Variants in PGLYRP4 observed in about 807,000 individuals in gnomAD.
PGLYRP4 encodes peptidoglycan recognition protein 4.
In PGLYRP4, 39 loss-of-function variants were observed where a neutral mutation model predicts 41.2. That is an observed-to-expected ratio of 0.95 (90% CI 0.73 to 1.24). The LOEUF (loss-of-function observed/expected upper bound fraction) is 1.24, where lower values mean the gene tolerates loss of function less well. Among genes scored for constraint, PGLYRP4 ranks in the 50% most tolerant of loss-of-function variants. The pLI is 0.00. For missense variants in PGLYRP4, 467 were observed against 460.7 expected, an observed-to-expected ratio of 1.01 and a Z score of -0.13; for synonymous variants, 202 against 186.8, an observed-to-expected ratio of 1.08 and a Z score of -0.66.
chr1:153,337,427 G>A (rs766630125), intron 7 of PGLYRP4, 128 bp from the exon 8 acceptor site: 23 of 630,898 alleles, frequency 3.6e-5, no homozygotes, highest in Non-Finnish European at 6.3e-5. Context: ...TAAGCACTGG[G>A]TTACAGAAAC....
At chr1:153,337,374 T>C in intron 7 of PGLYRP4, 75 bp from the exon 8 acceptor site, 1 of 876,126 alleles carries the variant, frequency 1.1e-6, no homozygotes, top group Non-Finnish European at 1.8e-6. Flanking sequence ...TATTAATTTA[T>C]TCATGTCTTT....
At chr1:153,348,195 C>T (rs549514361) in intron 1 of PGLYRP4, among the ~76,000 whole-genome samples, 5 of 152,166 alleles carry the variant, frequency 3.3e-5, no homozygotes, top group Admixed American at 6.5e-5. Flanking sequence ...CACGTGCCCA[C>T]GGCGTGCAAG....
At chr1:153,345,407 TGC>T (rs767461270) in intron 3 of PGLYRP4, 25 bp from the exon 4 acceptor site, 3 of 1,598,950 alleles carry the variant, frequency 1.9e-6, no homozygotes, top group Admixed American at 3.3e-5. Flanking sequence ...TCAGCGCACC[TGC>T]CCCATCACTA....
At position 153,337,289 on chromosome 1, in the gene PGLYRP4, C is replaced by G. The variant is rs776839837; in HGVS notation, c.835G>C (p.Gly279Arg). The G allele has an allele frequency of 8.7e-6, 14 of 1,604,676 alleles. No homozygotes were observed. The Admixed American group carries it at 2.4e-4, about 28-fold the overall frequency. The change falls in exon 8 of 9, where the codon GGC (glycine) becomes CGC (arginine). Residue 279 changes from glycine (G) to arginine (R), a missense_variant. Physicochemically the swap from Gly to Arg is moderately radical, Grantham distance 125. Transcript: ENST00000359650. ...CCTTCATAAATGGCGCCATCCTGGC[C>G]CACCAGGAAGCTAGAGGACCACAAG... ...SCDIGYNFLV[G>R]QDGAIYEGVG... is the part of the protein sequence containing the mutation.
intron 7 of PGLYRP4, among the ~76,000 whole-genome samples, chr1:153,339,239 GGT>G (rs768508269): frequency 1.1e-4 from 17 of 152,216 alleles, no homozygotes; most frequent in Non-Finnish European, 2.5e-4. Flanking sequence ...TCCATTTTCA[GGT>G]ATCCACTCTT....
At chr1:153,336,824 A>G (rs558343692) in intron 8 of PGLYRP4, among the ~76,000 whole-genome samples, 9 of 152,204 alleles carry the variant, frequency 5.9e-5, no homozygotes, top group Non-Finnish European at 1.2e-4. Flanking sequence ...TGGCTTTGGC[A>G]TATAAGGAAA....
At chr1:153,337,369 A>C in intron 7 of PGLYRP4, 70 bp from the exon 8 acceptor site, 1 of 915,864 alleles carries the variant, frequency 1.1e-6, no homozygotes, top group South Asian at 1.6e-5. Flanking sequence ...TCATGTATTA[A>C]TTTATTCATG....
intron 6 of PGLYRP4, among the ~76,000 whole-genome samples, chr1:153,340,872 T>G (rs894990741): frequency 2.6e-5 from 4 of 152,254 alleles, no homozygotes; most frequent in African/African-American, 4.8e-5. Context: ...AGAGATCAAA[T>G]TTACTCAAGG....
At position 153,345,104 on chromosome 1, in the gene PGLYRP4, A is replaced by G. The variant is rs1040575775; in HGVS notation, c.353+65T>C. 28 of 1,218,554 alleles carry G rather than the reference A, an allele frequency of 2.3e-5. No homozygotes were observed. The African/African-American group carries it at 4.0e-4, about 17-fold the overall frequency. The allele number at this position is 1,218,554 out of a possible 1,614,324, so 75.5% of individuals were successfully genotyped here. A position where few individuals can be genotyped will look rare whatever the true frequency, so the allele number is the denominator to read the frequency against. On this transcript the variant is annotated intron_variant, in intron 4 of 8. Coordinates refer to ENST00000359650, the MANE Select transcript of PGLYRP4 (RefSeq NM_020393.4). ...AAATGAGGAAAAGGGATGAGAAGGGACAGGAGAAGCATCCCAGGGAAGCAA... is the reference window on the plus strand; with the variant it reads ...AAATGAGGAAAAGGGATGAGAAGGGGCAGGAGAAGCATCCCAGGGAAGCAA...
At chr1:153,340,187 G>A (rs940159949) in intron 7 of PGLYRP4, among the ~76,000 whole-genome samples, 194 bp downstream of exon 7, 2 of 152,154 alleles carry the variant, frequency 1.3e-5, no homozygotes, top group African/African-American at 4.8e-5. Context: ...ACATGTTTGG[G>A]CAAATGACTA....
chr1:153,345,360 G>T lies in PGLYRP4; in HGVS notation c.162C>A (p.Thr54=). ...CCCCCCATGCCTTGCGAGAGACCGT[G>T]GTGGAGACATCTGTGGGAAGGCCTT... is the stretch of plus-strand genomic sequence containing the variant. ...TEKGLPTDVS[T]TVSRKAWGAE... The change falls in exon 4 of 9, where the codon ACC becomes ACA. Residue 54 remains threonine (T), a synonymous_variant. Transcript: ENST00000359650. 1.9e-6 allele frequency: 3 copies of T among 1,614,146 alleles called. No individual in the cohort carries two copies. Among genetic ancestry groups the T allele is most frequent in the Non-Finnish European group, 2.5e-6 (3 of 1,180,006 alleles).
intron 8 of PGLYRP4, 72 bp downstream of exon 8, chr1:153,337,109 C>T: frequency 8.9e-7 from 1 of 1,120,034 alleles, no homozygotes; most frequent in Non-Finnish European, 1.4e-6. Context: ...GAGACTGAGA[C>T]TTTGTCTTCC....
chr1:153,347,994 A>C lies in PGLYRP4; in HGVS notation c.-46-16T>G. Reference sequence around the variant, plus strand: ...GGATGGCAGCCTGAGAGAGACGCTGACAGTTGTTAACATGACCATTCTCAA... The same window carrying C: ...GGATGGCAGCCTGAGAGAGACGCTGCCAGTTGTTAACATGACCATTCTCAA... On this transcript the variant is annotated splice_polypyrimidine_tract_variant and intron_variant, in intron 1 of 8. Transcript: ENST00000359650. 1 of 1,308,706 alleles carries C rather than the reference A, an allele frequency of 7.6e-7. No individual in the cohort carries two copies. The highest frequency in any genetic ancestry group is 1.2e-5 in the South Asian group (1 of 82,178). 81.1% of individuals were successfully genotyped at this position (1,308,706 alleles called of 1,614,324 possible).
chr1:153,346,684 T>A (rs533135775), intron 2 of PGLYRP4, among the ~76,000 whole-genome samples: 2 of 152,150 alleles, frequency 1.3e-5, no homozygotes, highest in African/African-American at 4.8e-5. Context: ...ATGGGCAGGG[T>A]GTTGATTGAG....
intron 4 of PGLYRP4, among the ~76,000 whole-genome samples, chr1:153,344,524 G>A (rs1660923190): frequency 1.3e-5 from 2 of 152,226 alleles, no homozygotes; most frequent in South Asian, 4.1e-4. Flanking sequence ...GTCTGAAGCA[G>A]GAAAGCAGAG....
rs1660288763 is a variant in PGLYRP4 at position 153,330,509 on chromosome 1, G to T, written c.*258C>A. 3.7e-6 allele frequency: 1 copy of T among 273,170 alleles called. No individual in the cohort carries two copies. The highest frequency in any genetic ancestry group is 2.1e-5 in the African/African-American group (1 of 46,754). The allele number at this position is 273,170 out of a possible 1,614,324, so 16.9% of individuals were successfully genotyped here. ...ATTGTCTCACCTGGCTGAGGAGTTG[G>T]GTTTCCAAGGGAGAGGAAGGTAAGG... On this transcript the variant is annotated 3_prime_UTR_variant, in exon 9 of 9. Coordinates refer to ENST00000359650, the MANE Select transcript of PGLYRP4 (RefSeq NM_020393.4).
chr1:153,331,070 A>G lies in PGLYRP4; in HGVS notation c.944-125T>C, dbSNP rs148124669. 5.6e-3 allele frequency: 3,875 copies of G among 688,846 alleles called. 22 individuals carry two copies. The highest frequency in any genetic ancestry group is 6.3e-3 in the Non-Finnish European group (2,781 of 444,214). The allele number at this position is 688,846 out of a possible 1,614,324, so 42.7% of individuals were successfully genotyped here. Reference sequence around the variant, plus strand: ...CACTGTTGGCAGCCTCCCTAGAGACAGGCAAAAAAAACAAGGTCAAGACTT... The same window carrying G: ...CACTGTTGGCAGCCTCCCTAGAGACGGGCAAAAAAAACAAGGTCAAGACTT... On this transcript the variant is annotated intron_variant, in intron 8 of 8. Transcript: ENST00000359650.
At position 153,346,058 on chromosome 1, in the gene PGLYRP4, C is replaced by T. The variant is rs758505049; in HGVS notation, c.139+44G>A. 8 of 1,412,684 alleles carry T rather than the reference C, an allele frequency of 5.7e-6. No homozygotes were observed. In the Middle Eastern group the frequency reaches 8.8e-4, roughly 155 times the overall value. The allele number at this position is 1,412,684 out of a possible 1,614,324, so 87.5% of individuals were successfully genotyped here. A position where few individuals can be genotyped will look rare whatever the true frequency, so the allele number is the denominator to read the frequency against. ...AAACATTTCCGATCACATGAAAAAC[C>T]CCAGCTCGTCCCAAAACCCCCTTAC... On this transcript the variant is annotated intron_variant, in intron 3 of 8. Transcript: ENST00000359650.
At chr1:153,345,067 C>A in intron 4 of PGLYRP4, 102 bp downstream of exon 4, 1 of 883,434 alleles carries the variant, frequency 1.1e-6, no homozygotes, top group Non-Finnish European at 1.8e-6. Context: ...ACATATAGGA[C>A]CACAACCCAG....
Sources: gnomAD v4.1 joint callset for allele counts (sites outside exome capture counted in the v4.1 genomes callset) on GRCh38, gnomAD v4.1.1 for gene constraint, MANE v1.5 for transcripts, NCBI Gene and HGNC (gene_info 2026-07-23, HGNC 2026-07-21) for gene names.